Variants in KIAA1217 observed in about 807,000 individuals in gnomAD.
The protein encoded by KIAA1217 is sickle tail protein homolog.
In KIAA1217, 88 loss-of-function variants were observed where a neutral mutation model predicts 163.9. The observed-to-expected ratio is 0.54, with a 90% CI of 0.45 to 0.64. The LOEUF (loss-of-function observed/expected upper bound fraction) is 0.64. Among genes scored for constraint, KIAA1217 ranks in the 30% least tolerant of loss-of-function variants. The probability of loss-of-function intolerance (pLI) is 0.00; values close to 1 mark genes in which losing one functional copy is unlikely to be tolerated. For synonymous variants in KIAA1217, 903 were observed against 923.1 expected, an observed-to-expected ratio of 0.98 and a Z score of 0.39; for missense variants, 2,372 against 2,475.0, an observed-to-expected ratio of 0.96 and a Z score of 0.88.
At chr10:24,233,054 A>G (rs2071677136) in intron 2 of KIAA1217, among the ~76,000 whole-genome samples, 1 of 151,882 alleles carries the variant, frequency 6.6e-6, no homozygotes, top group Non-Finnish European at 1.5e-5. Context: ...GAGCCTGGGA[A>G]GTCAAGGCTG....
intron 1 of KIAA1217, among the ~76,000 whole-genome samples, chr10:23,984,373 T>G (rs1352866742): frequency 2.6e-5 from 4 of 152,218 alleles, no homozygotes; most frequent in Non-Finnish European, 5.9e-5. Context: ...CTTGTCAATT[T>G]AACTATCTCA....
At chr10:24,516,034 G>A (rs1223853803) in intron 10 of KIAA1217, among the ~76,000 whole-genome samples, 2 of 152,252 alleles carry the variant, frequency 1.3e-5, no homozygotes, top group African/African-American at 4.8e-5. Flanking sequence ...CTGCACCTCT[G>A]CATTCCAGCA....
chr10:24,399,245 A>G (rs546300196), intron 3 of KIAA1217, among the ~76,000 whole-genome samples: 1 of 152,162 alleles, frequency 6.6e-6, no homozygotes, highest in African/African-American at 2.4e-5. Flanking sequence ...CTTAATGTCT[A>G]TTGCATTCTA....
At chr10:24,417,986 C>G (rs1309764378) in intron 3 of KIAA1217, among the ~76,000 whole-genome samples, 2 of 151,574 alleles carry the variant, frequency 1.3e-5, no homozygotes, top group Non-Finnish European at 2.9e-5. Context: ...GTTGCTCTGT[C>G]ACCCAGGCTG....
intron 1 of KIAA1217, among the ~76,000 whole-genome samples, chr10:23,913,236 G>C (rs1015773956): frequency 6.6e-6 from 1 of 152,144 alleles, no homozygotes; most frequent in Non-Finnish European, 1.5e-5. Flanking sequence ...GGCACAGGCA[G>C]TTCTGGGGAT....
chr10:24,056,597 A>G (rs988037594), intron 2 of KIAA1217, among the ~76,000 whole-genome samples: 4 of 152,232 alleles, frequency 2.6e-5, no homozygotes, highest in African/African-American at 9.6e-5. Context: ...CTGGAGGCAG[A>G]AAATGAAAAT....
intron 2 of KIAA1217, among the ~76,000 whole-genome samples, chr10:24,156,903 C>G (rs1046536871): frequency 2.0e-5 from 3 of 152,166 alleles, no homozygotes; most frequent in African/African-American, 7.2e-5. Flanking sequence ...CTTCCCATTT[C>G]TAGGAAACTG....
At chr10:24,288,557 T>C (rs2078784073) in intron 2 of KIAA1217, among the ~76,000 whole-genome samples, 1 of 152,124 alleles carries the variant, frequency 6.6e-6, no homozygotes, top group South Asian at 2.1e-4. Flanking sequence ...AGAATTGCTA[T>C]ATAGGATGTG....
chr10:24,380,602 A>G (rs1291909708), intron 2 of KIAA1217, among the ~76,000 whole-genome samples: 12 of 146,340 alleles, frequency 8.2e-5, no homozygotes, highest in African/African-American at 3.0e-4. Context: ...ATCTCACACC[A>G]CTGCACTCTG....
intron 9 of KIAA1217, among the ~76,000 whole-genome samples, chr10:24,508,377 C>T (rs552206615): frequency 5.3e-5 from 8 of 152,268 alleles, no homozygotes; most frequent in Admixed American, 3.3e-4. Flanking sequence ...GAATGACCTA[C>T]AGAAAACATA....
At chr10:23,745,862 G>A (rs1839381708) in intron 1 of KIAA1217, among the ~76,000 whole-genome samples, 2 of 152,158 alleles carry the variant, frequency 1.3e-5, no homozygotes, top group South Asian at 4.1e-4. Flanking sequence ...AAAATAATAT[G>A]CATCTGATTT....
intron 2 of KIAA1217, among the ~76,000 whole-genome samples, chr10:24,171,045 A>T (rs1431094277): frequency 1.3e-5 from 2 of 152,198 alleles, no homozygotes. Context: ...TTACTAACCC[A>T]TTGGGGACCC....
intron 2 of KIAA1217, among the ~76,000 whole-genome samples, chr10:24,070,251 A>G (rs1361787299): frequency 6.6e-6 from 1 of 152,102 alleles, no homozygotes; most frequent in African/African-American, 2.4e-5. Context: ...AAGAGGCATT[A>G]TTTGAAAGAT....
At chr10:24,271,859 G>T (rs1199619813) in intron 2 of KIAA1217, among the ~76,000 whole-genome samples, 1 of 151,986 alleles carries the variant, frequency 6.6e-6, no homozygotes, top group Non-Finnish European at 1.5e-5. Context: ...CTTGGTCCCA[G>T]CCTCTTCAAA....
intron 1 of KIAA1217, among the ~76,000 whole-genome samples, chr10:23,907,321 TGA>T (rs1271066827): frequency 1.3e-5 from 2 of 149,976 alleles, no homozygotes; most frequent in Non-Finnish European, 3.0e-5. Context: ...TGTGTGTGTA[TGA>T]GAGAGAGAGA....
chr10:24,082,285 C>T (rs563985462), intron 2 of KIAA1217, among the ~76,000 whole-genome samples: 1 of 151,838 alleles, frequency 6.6e-6, no homozygotes, highest in South Asian at 2.1e-4. Flanking sequence ...GCAGGATGTA[C>T]AGGTTTGCTA....
chr10:23,854,797 T>C (rs1839561418), intron 1 of KIAA1217, among the ~76,000 whole-genome samples: 1 of 152,308 alleles, frequency 6.6e-6, no homozygotes, highest in East Asian at 1.9e-4. Flanking sequence ...TTGATCTTTG[T>C]TGGTTTAAAG....
At chr10:24,438,292 C>T in intron 4 of KIAA1217, 94 bp from the exon 5 acceptor site, 1 of 817,286 alleles carries the variant, frequency 1.2e-6, no homozygotes, top group South Asian at 1.5e-5. Flanking sequence ...ATTGTCTGTT[C>T]ATGTTTTTTA....
In KIAA1217 at chr10:24,452,802, G is replaced by T. The variant is rs189547495; in HGVS notation, c.846+14323G>T. Reference sequence around the variant, plus strand: ...ATAACTAAAAGAGTATAGCTGAAATGTTGTAACACAAAGGATAAATGCTTG... The same window carrying T: ...ATAACTAAAAGAGTATAGCTGAAATTTTGTAACACAAAGGATAAATGCTTG... On this transcript the variant is annotated intron_variant, in intron 5 of 20. Transcript: ENST00000376454. Among the ~76,000 whole-genome samples the T allele has an allele frequency of 2.2e-3, 330 of 151,980 alleles. 2 individuals carry two copies. Among genetic ancestry groups the T allele is most frequent in the African/African-American group, 7.5e-3 (312 of 41,458 alleles).
Sources: allele counts gnomAD v4.1 joint callset (sites outside exome capture counted in the v4.1 genomes callset), GRCh38; gene constraint gnomAD v4.1.1; transcripts MANE v1.5; gene names NCBI Gene and HGNC (gene_info 2026-07-23, HGNC 2026-07-21).